Variants in IRS1 observed in about 807,000 individuals in gnomAD.
IRS1 encodes insulin receptor substrate 1.
Under a neutral mutation model 65.6 loss-of-function variants are expected in IRS1, and 34 were observed. The observed-to-expected ratio is 0.52, with a 90% CI of 0.39 to 0.69. The LOEUF (loss-of-function observed/expected upper bound fraction) is 0.69, where lower values mean the gene tolerates loss of function less well. Among genes scored for constraint, IRS1 ranks in the 30% least tolerant of loss-of-function variants. The pLI is 0.00. For synonymous variants in IRS1, 699 were observed against 683.5 expected, an observed-to-expected ratio of 1.02 and a Z score of -0.35; for missense variants, 1,641 against 1,720.2, an observed-to-expected ratio of 0.95 and a Z score of 0.81.
rs949171281 is a variant in IRS1 at position 226,734,462 on chromosome 2, AT to A, written c.*1809del. ...GGGCCTCAGCAGTGTGAGGGGTTCC[AT>A]TTATCTCCGCTCCCTTTTGAGTAGA... is the stretch of plus-strand genomic sequence containing the variant. On this transcript the variant is annotated 3_prime_UTR_variant, in exon 2 of 2. Transcript: ENST00000305123. The A allele has an allele frequency of 2.6e-5, 4 of 152,208 alleles. No homozygotes were observed. Among genetic ancestry groups the A allele is most frequent in the African/African-American group, 9.7e-5 (4 of 41,442 alleles). The allele number at this position is 152,208 out of a possible 1,614,324, so 9.4% of individuals were successfully genotyped here. A position where few individuals can be genotyped will look rare whatever the true frequency, so the allele number is the denominator to read the frequency against.
intron 1 of IRS1, among the ~76,000 whole-genome samples, chr2:226,741,095 G>GA (rs1449274657): frequency 6.6e-6 from 1 of 152,036 alleles, no homozygotes; most frequent in African/African-American, 2.4e-5. Flanking sequence ...CCCATCACCA[G>GA]AAAAACCACT....
At chr2:226,752,843 A>G (rs1459182809) in intron 1 of IRS1, among the ~76,000 whole-genome samples, 1 of 152,246 alleles carries the variant, frequency 6.6e-6, no homozygotes, top group Non-Finnish European at 1.5e-5. Context: ...CCCCAGCTCC[A>G]CTTACTGGCG....
chr2:226,798,227 T>C lies in IRS1; in HGVS notation c.512A>G (p.Lys171Arg), dbSNP rs201647416. 4.6e-5 allele frequency: 74 copies of C among 1,613,780 alleles called. No homozygotes were observed. Among genetic ancestry groups the C allele is most frequent in the Non-Finnish European group, 6.0e-5 (71 of 1,179,980 alleles). ...CAGGTTCTTTGTCTGACCCAGGCCC[T>C]TGGGCTTCAGGATCACTTGCCAGAC... Reference protein sequence around the residue: ...KEVWQVILKPKGLGQTKNLIG... With the variant: ...KEVWQVILKPRGLGQTKNLIG... Residue 171 changes from lysine to arginine, a missense_variant, in exon 1 of 2, where the codon AAG becomes AGG. Physicochemically the swap from Lys to Arg is conservative, Grantham distance 26. Coordinates refer to ENST00000305123, the MANE Select transcript of IRS1 (RefSeq NM_005544.3). This position sits in a 1 kb window ranked among gnomAD's most constrained non-coding sequence, Gnocchi z 9.4.
intron 1 of IRS1, among the ~76,000 whole-genome samples, chr2:226,786,687 T>C (rs1405770745): frequency 3.3e-5 from 4 of 121,836 alleles, no homozygotes; most frequent in Admixed American, 8.0e-5. Flanking sequence ...CCAAAAAAAA[T>C]TGGAAACTTA....
chr2:226,748,420 C>A, intron 1 of IRS1, among the ~76,000 whole-genome samples: 1 of 130,704 alleles, frequency 7.7e-6, no homozygotes, highest in Non-Finnish European at 1.6e-5. Context: ...CAGAGCGAGA[C>A]TCTGTCTCAA....
intron 1 of IRS1, among the ~76,000 whole-genome samples, chr2:226,762,040 C>A (rs1005239755): frequency 2.6e-5 from 4 of 152,220 alleles, no homozygotes; most frequent in Non-Finnish European, 5.9e-5. Context: ...TGTTGTCCTA[C>A]AACATAGCCC....
At chr2:226,748,807 G>C (rs1019189695) in intron 1 of IRS1, among the ~76,000 whole-genome samples, 1 of 152,000 alleles carries the variant, frequency 6.6e-6, no homozygotes, top group South Asian at 2.1e-4. Context: ...GGATGCTCGG[G>C]GCACATATAT....
rs1318658792 is a variant in IRS1 at position 226,736,048 on chromosome 2, T to C, written c.*224A>G. ...TATTCTGGTGTCACAGTGCATTTTT[T>C]TTTTTCGCTTGGCACAATATAGAAC... is the stretch of plus-strand genomic sequence containing the variant. On this transcript the variant is annotated 3_prime_UTR_variant, in exon 2 of 2. Coordinates refer to ENST00000305123, the MANE Select transcript of IRS1 (RefSeq NM_005544.3). The C allele has an allele frequency of 1.3e-5, 2 of 152,580 alleles. No individual in the cohort carries two copies. The highest frequency in any genetic ancestry group is 4.8e-5 in the African/African-American group (2 of 41,406). The allele number at this position is 152,580 out of a possible 1,614,324, so 9.5% of individuals were successfully genotyped here.
Position 226,797,210 on chromosome 2 carries a change from T to G in IRS1, c.1529A>C (p.Glu510Ala), listed in dbSNP as rs377169433. 2.0e-5 allele frequency: 32 copies of G among 1,613,608 alleles called. No homozygotes were observed. Among genetic ancestry groups the G allele is most frequent in the Non-Finnish European group, 2.4e-5 (28 of 1,180,018 alleles). Residue 510 changes from glutamate (E) to alanine (A), a missense_variant, in exon 1 of 2, where the codon GAA becomes GCA. Glu to Ala is a moderately radical substitution (Grantham distance 107). Transcript: ENST00000305123. This position sits in a 1 kb window ranked among gnomAD's most constrained non-coding sequence, Gnocchi z 8.1. ...ATCCAGATCTGCAGCACTGGCTGCT[T>G]CATCCCCAGCCAAGGCTGGACTCGT... ...LGTSPALAGD[E>A]AASAADLDNR...
rs768338328 is a variant in IRS1 at position 226,798,746 on chromosome 2, C to A, written c.-8G>T. The A allele has an allele frequency of 4.3e-6, 7 of 1,609,362 alleles. No homozygotes were observed. In the East Asian group the frequency reaches 1.6e-4, roughly 36 times the overall value. On this transcript the variant is annotated 5_prime_UTR_variant, in exon 1 of 2. Coordinates refer to ENST00000305123, the MANE Select transcript of IRS1 (RefSeq NM_005544.3). The surrounding 1 kb of genome is among the most constrained non-coding windows in gnomAD (Gnocchi z 9.4). ...CTCCGGAGGGCTCGCCATGCTGCCA[C>A]CGCCACCACCAACGCTGAGCAGAGG... is the stretch of plus-strand genomic sequence containing the variant.
intron 1 of IRS1, among the ~76,000 whole-genome samples, chr2:226,778,811 C>T (rs1025331579): frequency 1.3e-5 from 2 of 152,206 alleles, no homozygotes; most frequent in African/African-American, 4.8e-5. Context: ...AATATGTCAC[C>T]TGTTCCAGAT....
Position 226,797,241 on chromosome 2 carries a change from A to G in IRS1, c.1498T>C (p.Leu500=), listed in dbSNP as rs1423745817. 5 of 1,613,564 alleles carry G rather than the reference A, an allele frequency of 3.1e-6. No homozygotes were observed. Among genetic ancestry groups the G allele is most frequent in the Non-Finnish European group, 4.2e-6 (5 of 1,179,964 alleles). The change falls in exon 1 of 2, where the codon TTG becomes CTG. Residue 500 remains leucine (L), a synonymous_variant. Coordinates refer to ENST00000305123, the MANE Select transcript of IRS1 (RefSeq NM_005544.3). The surrounding 1 kb of genome is among the most constrained non-coding windows in gnomAD (Gnocchi z 8.1). ...NGHRCTPGTG[L]GTSPALAGDE... ...CCAGCCAAGGCTGGACTCGTGCCCAAGCCTGTTCCTGGGGTGCAGCGGTGG... is the reference window on the plus strand; with the variant it reads ...CCAGCCAAGGCTGGACTCGTGCCCAGGCCTGTTCCTGGGGTGCAGCGGTGG...
At chr2:226,789,364 A>G (rs1397108184) in intron 1 of IRS1, among the ~76,000 whole-genome samples, 1 of 152,242 alleles carries the variant, frequency 6.6e-6, no homozygotes. Flanking sequence ...CAGGGTTGGA[A>G]AAGCAGTGTT....
rs1369825914 is a variant in IRS1 at position 226,785,800 on chromosome 2, A to T, written c.*21+9189T>A. ...GGTACATGTGCACAATGTGCAGGTT[A>T]GTTACATATGTATACATGTGCCATG... On this transcript the variant is annotated intron_variant, in intron 1 of 1. Transcript: ENST00000305123. 2.0e-5 allele frequency among the ~76,000 whole-genome samples: 3 copies of T among 151,536 alleles called. No homozygotes were observed. The East Asian group carries it at 5.8e-4, about 29-fold the overall frequency.
At chr2:226,774,361 T>C (rs186455221) in intron 1 of IRS1, among the ~76,000 whole-genome samples, 5 of 152,296 alleles carry the variant, frequency 3.3e-5, no homozygotes, top group Admixed American at 3.3e-4. Context: ...ACATAACCTA[T>C]AAAGTTCTGT....
In IRS1 at chr2:226,797,659, C is replaced by T. The variant is rs2106186875; in HGVS notation, c.1080G>A (p.Arg360=). The part of the protein sequence containing the change: ...STNRTHAHRH[R]GSARLHPPLN... Reference sequence around the variant, plus strand: ...GCGGGGGGTGCAGCCGGGCGCTGCCCCGATGCCGGTGGGCGTGGGTTCTGT... The same window carrying T: ...GCGGGGGGTGCAGCCGGGCGCTGCCTCGATGCCGGTGGGCGTGGGTTCTGT... The change falls in exon 1 of 2, where the codon CGG becomes CGA. Residue 360 remains arginine (R), a synonymous_variant. Transcript: ENST00000305123. The surrounding 1 kb of genome is among the most constrained non-coding windows in gnomAD (Gnocchi z 8.1). 2 of 1,594,284 alleles carry T rather than the reference C, an allele frequency of 1.3e-6. No homozygotes were observed. Among genetic ancestry groups the T allele is most frequent in the East Asian group, 2.2e-5 (1 of 44,804 alleles).
intron 1 of IRS1, among the ~76,000 whole-genome samples, chr2:226,787,453 A>G (rs2106180077): frequency 6.6e-6 from 1 of 152,304 alleles, no homozygotes; most frequent in East Asian, 1.9e-4. Context: ...AACTTATGTC[A>G]TAAGAAATTT....
At chr2:226,756,396 G>A (rs1056390244) in intron 1 of IRS1, among the ~76,000 whole-genome samples, 5 of 152,156 alleles carry the variant, frequency 3.3e-5, no homozygotes, top group African/African-American at 1.2e-4. Flanking sequence ...CATGAGCCCT[G>A]CCACTACAAG....
rs758231134 is a variant in IRS1 at position 226,798,796 on chromosome 2, G to T, written c.-58C>A. On this transcript the variant is annotated 5_prime_UTR_variant, in exon 1 of 2. Transcript: ENST00000305123. The surrounding 1 kb of genome is among the most constrained non-coding windows in gnomAD (Gnocchi z 9.4). ...GGAGGCTCCGAAAAACAACCGGGTG[G>T]GGGGCGGAGGCTCCTCGCCGCGGCC... 69 of 1,566,938 alleles carry T rather than the reference G, an allele frequency of 4.4e-5. No individual in the cohort carries two copies. Among genetic ancestry groups the T allele is most frequent in the Non-Finnish European group, 5.9e-5 (68 of 1,157,082 alleles).
Sources: gnomAD v4.1 joint callset for allele counts (sites outside exome capture counted in the v4.1 genomes callset) on GRCh38, gnomAD v4.1.1 for gene constraint, Gnocchi (gnomAD v3.1) non-coding constraint, MANE v1.5 for transcripts, NCBI Gene and HGNC (gene_info 2026-07-23, HGNC 2026-07-21) for gene names.